Variants in TMPRSS11B observed in about 807,000 individuals in gnomAD.
TMPRSS11B encodes transmembrane protease serine 11B.
A neutral mutation model predicts 44.7 loss-of-function variants in TMPRSS11B; 53 were observed. The ratio of observed to expected loss-of-function variants is 1.19; its 90% CI spans 0.95 to 1.49. The LOEUF is 1.49. Ranked by LOEUF, TMPRSS11B falls within the 40% of genes most tolerant of loss-of-function variation. The pLI, the probability that TMPRSS11B is intolerant of heterozygous loss-of-function variation, is 0.00. For missense variants in TMPRSS11B, 526 were observed against 494.8 expected (o/e 1.06, Z -0.60); for synonymous variants, 140 against 159.2 (o/e 0.88, Z 0.91).
At chr4:68,240,858 T>A (rs897784186) in intron 2 of TMPRSS11B, among the ~76,000 whole-genome samples, 2 of 152,086 alleles carry the variant, frequency 1.3e-5, no homozygotes, top group Non-Finnish European at 2.9e-5. Context: ...TATTATTGTA[T>A]AGGGTTATAT....
chr4:68,229,149 A>G (rs1719435205), intron 8 of TMPRSS11B, 108 bp downstream of exon 8: 2 of 1,212,280 alleles, frequency 1.6e-6, no homozygotes, highest in Middle Eastern at 2.9e-4. Flanking sequence ...TCTTTTCAGT[A>G]TATTTACTGA....
chr4:68,232,349 A>G (rs745397947), intron 6 of TMPRSS11B, 29 bp downstream of exon 6: 2 of 1,601,648 alleles, frequency 1.2e-6, no homozygotes, highest in Admixed American at 1.7e-5. Context: ...GAGTCCATCA[A>G]ATTTATAATT....
intron 7 of TMPRSS11B, 71 bp from the exon 8 acceptor site, chr4:68,229,587 T>C: frequency 7.0e-7 from 1 of 1,419,752 alleles, no homozygotes; most frequent in Non-Finnish European, 9.5e-7. Flanking sequence ...GGTGATTATC[T>C]CATAATTTTA....
chr4:68,243,699 G>T (rs193293964), intron 1 of TMPRSS11B, among the ~76,000 whole-genome samples: 3 of 152,064 alleles, frequency 2.0e-5, no homozygotes, highest in African/African-American at 7.2e-5. Flanking sequence ...TGACAGTAAG[G>T]TCTCAAATTT....
chr4:68,243,240 T>A (rs1719906670), intron 1 of TMPRSS11B, among the ~76,000 whole-genome samples: 1 of 152,232 alleles, frequency 6.6e-6, no homozygotes, highest in Non-Finnish European at 1.5e-5. Flanking sequence ...GAGTTTGTAA[T>A]CAGGGAACAT....
chr4:68,228,708 G>A, intron 9 of TMPRSS11B, 34 bp downstream of exon 9: 2 of 1,558,806 alleles, frequency 1.3e-6, no homozygotes, highest in South Asian at 1.2e-5. Flanking sequence ...TGATTAACTG[G>A]GAGAAAACAA....
intron 5 of TMPRSS11B, among the ~76,000 whole-genome samples, chr4:68,234,253 G>T (rs779403136): frequency 6.6e-6 from 1 of 151,780 alleles, no homozygotes; most frequent in Admixed American, 6.6e-5. Context: ...ATCCATGCTT[G>T]CAGTGTAACC....
In TMPRSS11B at chr4:68,227,967, C is replaced by G; in HGVS notation, c.1195G>C (p.Val399Leu). ...CGATAAGAAGTCACTCGAGTATAGA[C>G]ACCTGGCTTATTCTTTTTACCACAT... ...DGCGKKNKPGVYTRVTSYRNW... is the reference protein window; with the variant it reads ...DGCGKKNKPGLYTRVTSYRNW... The change falls in exon 10 of 10, where the codon GTC becomes CTC. Residue 399 changes from valine to leucine, a missense_variant. Physicochemically the swap from Val to Leu is conservative, Grantham distance 32. Coordinates refer to ENST00000332644, the MANE Select transcript of TMPRSS11B (RefSeq NM_182502.3). 6.2e-7 allele frequency: 1 copy of G among 1,613,664 alleles called. No individual in the cohort carries two copies. Among genetic ancestry groups the G allele is most frequent in the Non-Finnish European group, 8.5e-7 (1 of 1,179,892 alleles).
Position 68,228,728 on chromosome 4 carries a change from G to A in TMPRSS11B, c.1089+14C>T, listed in dbSNP as rs189903902. ...AACTGGGAGAAAACAACTGGATAAT[G>A]TAACTAGACATACCTGACATGCATC... On this transcript the variant is annotated intron_variant, in intron 9 of 9. Coordinates refer to ENST00000332644, the MANE Select transcript of TMPRSS11B (RefSeq NM_182502.3). The A allele has an allele frequency of 2.2e-5, 35 of 1,588,458 alleles. No individual in the cohort carries two copies. In the East Asian group the frequency reaches 6.8e-4, roughly 31 times the overall value.
chr4:68,228,676 T>A, intron 9 of TMPRSS11B, 66 bp downstream of exon 9: 1 of 1,528,818 alleles, frequency 6.5e-7, no homozygotes, highest in Non-Finnish European at 8.8e-7. Flanking sequence ...AAAAAAATTT[T>A]ATGTGGATAA....
chr4:68,239,715 A>T (rs1719771095), intron 2 of TMPRSS11B, among the ~76,000 whole-genome samples: 1 of 152,166 alleles, frequency 6.6e-6, no homozygotes, highest in African/African-American at 2.4e-5. Flanking sequence ...ACATTGTTTT[A>T]TACTAATAGA....
At position 68,245,471 on chromosome 4, in the gene TMPRSS11B, A is replaced by G. The variant is rs111285494; in HGVS notation, c.8+80T>C. The G allele has an allele frequency of 7.5e-6, 11 of 1,462,776 alleles. No homozygotes were observed. In the South Asian group the frequency reaches 1.1e-4, roughly 15 times the overall value. 90.6% of individuals were successfully genotyped at this position (1,462,776 alleles called of 1,614,324 possible). ...AAAAACTAAATTATAAAAACAGTCA[A>G]TTAACAAAAAACTAGAACATACTTA... On this transcript the variant is annotated intron_variant, in intron 1 of 9. Transcript: ENST00000332644.
At chr4:68,231,114 G>A in intron 7 of TMPRSS11B, 89 bp downstream of exon 7, 1 of 1,156,298 alleles carries the variant, frequency 8.6e-7, no homozygotes, top group Non-Finnish European at 1.1e-6. Flanking sequence ...TGGCCTTGGT[G>A]AACCTTGACA....
In TMPRSS11B at chr4:68,242,340, A is replaced by AT. The variant is rs1560445672; in HGVS notation, c.9-537dup. 7.7e-4 allele frequency among the ~76,000 whole-genome samples: 55 copies of AT among 71,446 alleles called. 1 individual carries two copies. Among genetic ancestry groups the AT allele is most frequent in the Admixed American group, 2.6e-3 (11 of 4,170 alleles). 46.9% of individuals were successfully genotyped at this position (71,446 alleles called of 152,430 possible). The stretch of plus-strand genomic sequence containing the variant: ...TTATATATATAATATTATATTATAT[A>AT]TATATTATATATAATATTATATTAT... On this transcript the variant is annotated intron_variant, in intron 1 of 9. Transcript: ENST00000332644.
chr4:68,229,474 TA>T lies in TMPRSS11B; in HGVS notation c.728del (p.Val243GlufsTer2). On this transcript the variant is annotated frameshift_variant, in exon 8 of 10. Transcript: ENST00000332644. LOFTEE classifies it high-confidence loss of function. ...TCCGTGTCATATATGGTTTATTTACTACAATTCCAAAGTTGACAGTCCAATC... is the reference window on the plus strand; with the variant it reads ...TCCGTGTCATATATGGTTTATTTACTCAATTCCAAAGTTGACAGTCCAATC... ...SKDWTVNFGI[V>X]VNKPYMTRKV... The T allele has an allele frequency of 1.9e-6, 3 of 1,613,316 alleles. No individual in the cohort carries two copies. The highest frequency in any genetic ancestry group is 1.7e-5 in the Admixed American group (1 of 59,976).
In TMPRSS11B at chr4:68,228,726, A is replaced by C; in HGVS notation, c.1089+16T>G. The C allele has an allele frequency of 8.2e-6, 13 of 1,586,564 alleles. No individual in the cohort carries two copies. Among genetic ancestry groups the C allele is most frequent in the Non-Finnish European group, 1.0e-5 (12 of 1,171,340 alleles). ...TTAACTGGGAGAAAACAACTGGATA[A>C]TGTAACTAGACATACCTGACATGCA... On this transcript the variant is annotated intron_variant, in intron 9 of 9. Coordinates refer to ENST00000332644, the MANE Select transcript of TMPRSS11B (RefSeq NM_182502.3).
chr4:68,240,623 A>G (rs1235109263), intron 2 of TMPRSS11B, among the ~76,000 whole-genome samples: 1 of 152,136 alleles, frequency 6.6e-6, no homozygotes, highest in Admixed American at 6.6e-5. Context: ...CACTGTACTT[A>G]AGGAAATTAT....
At chr4:68,242,212 AT>A (rs1560445305) in intron 1 of TMPRSS11B, among the ~76,000 whole-genome samples, 3 of 26,320 alleles carry the variant, frequency 1.1e-4, no homozygotes, top group Admixed American at 4.6e-4. Flanking sequence ...AATATAATAT[AT>A]ATAATATTAT....
intron 6 of TMPRSS11B, 107 bp downstream of exon 6, chr4:68,232,271 G>T (rs564790308): frequency 9.5e-7 from 1 of 1,049,782 alleles, no homozygotes; most frequent in Admixed American, 2.3e-5. Context: ...TTCGGAAAGC[G>T]TGTTATGGGA....
Sources: gnomAD v4.1 joint callset for allele counts (sites outside exome capture counted in the v4.1 genomes callset) on GRCh38, gnomAD v4.1.1 for gene constraint, MANE v1.5 for transcripts, NCBI Gene and HGNC (gene_info 2026-07-23, HGNC 2026-07-21) for gene names.